SRGAP2C: variants seen among roughly 807,000 people sequenced by gnomAD.
The protein encoded by SRGAP2C is SLIT-ROBO Rho GTPase-activating protein 2C.
SRGAP2C carries 15 observed loss-of-function variants against 25.1 expected under a neutral mutation model. The ratio of observed to expected loss-of-function variants is 0.60; its 90% CI spans 0.40 to 0.92. The LOEUF (loss-of-function observed/expected upper bound fraction) is 0.92. Among genes scored for constraint, SRGAP2C ranks in the 40% least tolerant of loss-of-function variants. The pLI is 0.00. For synonymous variants in SRGAP2C, 44 were observed against 96.6 expected, an observed-to-expected ratio of 0.46 and a Z score of 3.19; for missense variants, 144 against 264.4, an observed-to-expected ratio of 0.54 and a Z score of 3.16.
intron 8 of SRGAP2C, among the ~76,000 whole-genome samples, chr1:121,385,656 C>T (rs1452741911): frequency 6.6e-6 from 1 of 152,128 alleles, no homozygotes; most frequent in Non-Finnish European, 1.5e-5. Flanking sequence ...ATCCAGATGT[C>T]TCTCTGCAGA....
chr1:121,213,366 T>C (rs1478089171), intron 2 of SRGAP2C, among the ~76,000 whole-genome samples: 1 of 146,074 alleles, frequency 6.8e-6, no homozygotes, highest in Non-Finnish European at 1.5e-5. Context: ...ATTTTAAAAA[T>C]GAAATTGTTG....
intron 3 of SRGAP2C, among the ~76,000 whole-genome samples, chr1:121,296,118 A>G (rs1414119512): frequency 6.8e-6 from 1 of 147,374 alleles, no homozygotes; most frequent in East Asian, 2.1e-4. Context: ...GAAGGAGTAA[A>G]ATATGAGAAA....
intron 4 of SRGAP2C, among the ~76,000 whole-genome samples, chr1:121,337,459 C>G (rs1342612396): frequency 7.0e-6 from 1 of 142,534 alleles, no homozygotes; most frequent in Non-Finnish European, 1.5e-5. Context: ...TGCTGAAACC[C>G]TGTCTCTACT....
chr1:121,207,669 A>G (rs1467989399), intron 2 of SRGAP2C, among the ~76,000 whole-genome samples: 2 of 152,194 alleles, frequency 1.3e-5, no homozygotes, highest in Non-Finnish European at 2.9e-5. Context: ...GAAAGAGGGG[A>G]TCAGGCTAAA....
chr1:121,339,278 T>C (rs1300573280), intron 4 of SRGAP2C, among the ~76,000 whole-genome samples: 1 of 132,742 alleles, frequency 7.5e-6, no homozygotes, highest in Non-Finnish European at 1.6e-5. Flanking sequence ...TTTTTGGAGA[T>C]GGAGTTTCTT....
At chr1:121,216,439 G>T (rs1399872349) in intron 2 of SRGAP2C, among the ~76,000 whole-genome samples, 1 of 151,894 alleles carries the variant, frequency 6.6e-6, no homozygotes, top group East Asian at 1.9e-4. Context: ...GATTATAGAT[G>T]GCCAAGGAAA....
intron 2 of SRGAP2C, among the ~76,000 whole-genome samples, chr1:121,196,925 A>G (rs1415365727): frequency 1.3e-5 from 2 of 151,126 alleles, no homozygotes; most frequent in African/African-American, 4.9e-5. Flanking sequence ...GCACAATGTC[A>G]CCAGAGTGAT....
At chr1:121,235,028 T>G (rs1363498155) in intron 2 of SRGAP2C, among the ~76,000 whole-genome samples, 2 of 145,416 alleles carry the variant, frequency 1.4e-5, no homozygotes, top group Non-Finnish European at 3.0e-5. Context: ...CTTTCTTTCT[T>G]TTTTTTTTTT....
At chr1:121,228,964 G>A (rs1553327083) in intron 2 of SRGAP2C, among the ~76,000 whole-genome samples, 1 of 151,986 alleles carries the variant, frequency 6.6e-6, no homozygotes, top group Non-Finnish European at 1.5e-5. Flanking sequence ...ACTAAAGACA[G>A]TGTCCTCTGT....
intron 4 of SRGAP2C, among the ~76,000 whole-genome samples, chr1:121,347,765 T>G (rs1424702507): frequency 6.6e-6 from 1 of 152,034 alleles, no homozygotes; most frequent in Non-Finnish European, 1.5e-5. Flanking sequence ...CTGTAGCGCC[T>G]GTGGAGAATG....
intron 2 of SRGAP2C, among the ~76,000 whole-genome samples, chr1:121,235,115 G>A (rs1431111816): frequency 5.5e-5 from 8 of 145,212 alleles, no homozygotes; most frequent in Non-Finnish European, 9.0e-5. Context: ...TCCGCCTCCC[G>A]GGTTCACGCC....
Position 121,365,154 on chromosome 1 carries a change from T to G in SRGAP2C, c.424-139T>G. ...TGACCATAATTGGGTCTGATTGGAG[T>G]GGTTATCTGATTTGCTGGGTTAAAT... On this transcript the variant is annotated intron_variant, in intron 4 of 9. Coordinates refer to ENST00000367123, the MANE Select transcript of SRGAP2C (RefSeq NM_001329984.2). 2 of 338,304 alleles carry G rather than the reference T, an allele frequency of 5.9e-6. 1 individual carries two copies. Among genetic ancestry groups the G allele is most frequent in the Non-Finnish European group, 1.1e-5 (2 of 190,382 alleles). The allele number at this position is 338,304 out of a possible 1,614,324, so 21.0% of individuals were successfully genotyped here.
intron 5 of SRGAP2C, among the ~76,000 whole-genome samples, chr1:121,370,848 G>A (rs1281262318): frequency 2.0e-5 from 3 of 149,194 alleles, no homozygotes; most frequent in Non-Finnish European, 3.0e-5. Flanking sequence ...CTGCTTCCTG[G>A]CTCACTCTAG....
chr1:121,306,016 TG>T (rs1657822261), intron 3 of SRGAP2C, among the ~76,000 whole-genome samples: 3 of 152,242 alleles, frequency 2.0e-5, no homozygotes, highest in African/African-American at 7.2e-5. Flanking sequence ...TTTTTCTAGA[TG>T]TTTATACCCT....
chr1:121,323,716 G>A (rs1343122312), intron 3 of SRGAP2C, among the ~76,000 whole-genome samples: 2 of 140,590 alleles, frequency 1.4e-5, no homozygotes, highest in East Asian at 4.1e-4. Context: ...GTTCAGGTAT[G>A]GTTTGTGTTC....
At position 121,363,971 on chromosome 1, in the gene SRGAP2C, GA is replaced by G. The variant is rs1168926855; in HGVS notation, c.424-1314del. On this transcript the variant is annotated intron_variant, in intron 4 of 9. Transcript: ENST00000367123. The stretch of plus-strand genomic sequence containing the variant: ...TAAATATACATTACTTTTGTAATCA[GA>G]AAAAAAAGTATTTTTTAAGTAGAGA... 8.6e-5 allele frequency among the ~76,000 whole-genome samples: 13 copies of G among 150,956 alleles called. No homozygotes were observed. The South Asian group carries it at 2.5e-3, about 29-fold the overall frequency.
chr1:121,360,807 A>C (rs1434474082), intron 4 of SRGAP2C: 1 of 148,464 alleles, frequency 6.7e-6, no homozygotes, highest in East Asian at 2.0e-4. Flanking sequence ...ATACAGGGTC[A>C]TGTTCCTTTC....
At chr1:121,279,081 A>G (rs1357218710) in intron 2 of SRGAP2C, among the ~76,000 whole-genome samples, 5 of 151,490 alleles carry the variant, frequency 3.3e-5, no homozygotes, top group East Asian at 2.0e-4. Context: ...CAGGTTCCCA[A>G]TGGGGAGCGC....
intron 3 of SRGAP2C, among the ~76,000 whole-genome samples, chr1:121,306,192 G>T (rs1206811686): frequency 6.8e-6 from 1 of 147,294 alleles, no homozygotes; most frequent in South Asian, 2.2e-4. Flanking sequence ...TCACTGGGGG[G>T]TGCACAATTG....
Sources: allele counts gnomAD v4.1 joint callset (sites outside exome capture counted in the v4.1 genomes callset), GRCh38; gene constraint gnomAD v4.1.1; transcripts MANE v1.5; gene names NCBI Gene and HGNC (gene_info 2026-07-23, HGNC 2026-07-21).